PARM1: variants seen among roughly 807,000 people sequenced by gnomAD.
PARM1 encodes the protein WSC4, cell wall integrity and stress response component 4 homolog.
Under a neutral mutation model 24.6 loss-of-function variants are expected in PARM1, and 14 were observed. The ratio of observed to expected loss-of-function variants is 0.57; its 90% CI spans 0.38 to 0.89. The LOEUF (loss-of-function observed/expected upper bound fraction) is 0.89. PARM1 is among the 40% of genes least tolerant of loss of function. The pLI, the probability that PARM1 is intolerant of heterozygous loss-of-function variation, is 0.00. For missense variants in PARM1, 362 were observed against 380.4 expected (o/e 0.95, Z 0.40); for synonymous variants, 179 against 156.6 (o/e 1.14, Z -1.07).
In PARM1 at chr4:75,012,870, C is replaced by G. The variant is rs202104528; in HGVS notation, c.489C>G (p.Thr163=). 1.1e-5 allele frequency: 18 copies of G among 1,613,974 alleles called. No individual in the cohort carries two copies. In the Admixed American group the frequency reaches 2.5e-4, roughly 22 times the overall value. ...CCTCATCACCCTCATCCCTATCAAC[C>G]TCACCACCTGAGGTCTTTTCTGCCT... The part of the protein sequence containing the change: ...APASSPSSLS[T]SPPEVFSASV... The change falls in exon 2 of 4, where the codon ACC becomes ACG. Residue 163 remains threonine, a synonymous_variant. Transcript: ENST00000307428.
intron 1 of PARM1, among the ~76,000 whole-genome samples, chr4:74,981,992 C>T (rs1374958124): frequency 6.6e-6 from 1 of 151,988 alleles, no homozygotes; most frequent in Non-Finnish European, 1.5e-5. Flanking sequence ...GATACCCGCA[C>T]TCATATGTTC....
chr4:75,009,441 A>G (rs1296849043), intron 1 of PARM1, among the ~76,000 whole-genome samples: 1 of 152,182 alleles, frequency 6.6e-6, no homozygotes, highest in East Asian at 1.9e-4. Flanking sequence ...AATATTGATT[A>G]TGGTTGGCCT....
chr4:75,000,762 G>A (rs764761971), intron 1 of PARM1, among the ~76,000 whole-genome samples: 3 of 152,192 alleles, frequency 2.0e-5, no homozygotes, highest in Non-Finnish European at 2.9e-5. Flanking sequence ...CCAAGCAATC[G>A]TATCTGCCTT....
chr4:75,044,748 G>T (rs1336131394), intron 3 of PARM1, among the ~76,000 whole-genome samples: 1 of 134,706 alleles, frequency 7.4e-6, no homozygotes, highest in African/African-American at 2.9e-5. Flanking sequence ...ATTTACAAAA[G>T]AAAGAGGTTT....
intron 1 of PARM1, among the ~76,000 whole-genome samples, chr4:74,946,829 G>A (rs113967406): frequency 5.9e-5 from 9 of 152,214 alleles, no homozygotes; most frequent in East Asian, 1.9e-4. Flanking sequence ...TACAAAATTC[G>A]TTGACCTTCA....
At chr4:74,967,320 T>C (rs908926756) in intron 1 of PARM1, 5 of 152,236 alleles carry the variant, frequency 3.3e-5, no homozygotes, top group African/African-American at 9.6e-5. Flanking sequence ...TATCTCTCCA[T>C]GTAAAGTCAA....
intron 3 of PARM1, among the ~76,000 whole-genome samples, chr4:75,035,480 G>A (rs1723352298): frequency 1.3e-5 from 2 of 152,078 alleles, no homozygotes; most frequent in South Asian, 4.1e-4. Context: ...TCCTCAAGAG[G>A]CTGTGCCACC....
At chr4:75,006,916 C>A (rs1170422639) in intron 1 of PARM1, among the ~76,000 whole-genome samples, 1 of 152,176 alleles carries the variant, frequency 6.6e-6, no homozygotes, top group Non-Finnish European at 1.5e-5. Context: ...ACAAAAGAAA[C>A]TACCATCAGA....
At chr4:74,947,693 T>A (rs1255522778) in intron 1 of PARM1, among the ~76,000 whole-genome samples, 1 of 152,198 alleles carries the variant, frequency 6.6e-6, no homozygotes, top group African/African-American at 2.4e-5. Context: ...CAAAATAATA[T>A]GGGAGTGGGA....
intron 1 of PARM1, among the ~76,000 whole-genome samples, chr4:75,007,136 A>G (rs1385152234): frequency 6.6e-6 from 1 of 152,238 alleles, no homozygotes; most frequent in Non-Finnish European, 1.5e-5. Flanking sequence ...GCTCATCATC[A>G]CTGGCCATGA....
intron 1 of PARM1, among the ~76,000 whole-genome samples, chr4:74,936,587 G>A (rs1385046014): frequency 6.6e-6 from 1 of 151,696 alleles, no homozygotes; most frequent in Non-Finnish European, 1.5e-5. Context: ...CCGAGTAACT[G>A]GGACTACAGG....
chr4:75,029,430 T>G (rs998259166), intron 2 of PARM1, among the ~76,000 whole-genome samples: 1 of 152,134 alleles, frequency 6.6e-6, no homozygotes, highest in African/African-American at 2.4e-5. Flanking sequence ...AATGGAATCA[T>G]GGGGGTGAGT....
chr4:74,983,197 A>G (rs1431931898), intron 1 of PARM1, among the ~76,000 whole-genome samples: 2 of 152,204 alleles, frequency 1.3e-5, no homozygotes, highest in Admixed American at 1.3e-4. Flanking sequence ...GAGTCATTGT[A>G]TATCTCAGTA....
chr4:75,013,014 A>T lies in PARM1; in HGVS notation c.633A>T (p.Thr211=). ...SSDHTPTSHA[T]AEPVPQEKTP... ...ACCACACACCCACTTCACATGCCAC[A>T]GCTGAGCCAGTACCCCAGGAGAAAA... is the stretch of plus-strand genomic sequence containing the variant. Residue 211 remains threonine (T), a synonymous_variant, in exon 2 of 4, where the codon ACA becomes ACT. Coordinates refer to ENST00000307428, the MANE Select transcript of PARM1 (RefSeq NM_015393.4). The T allele has an allele frequency of 3.1e-6, 5 of 1,614,016 alleles. No homozygotes were observed. The highest frequency in any genetic ancestry group is 4.2e-6 in the Non-Finnish European group (5 of 1,179,888).
At position 75,033,864 on chromosome 4, in the gene PARM1, T is replaced by C. The variant is rs1354784117; in HGVS notation, c.770-19T>C. The C allele has an allele frequency of 2.5e-6, 4 of 1,583,434 alleles. No individual in the cohort carries two copies. The highest frequency in any genetic ancestry group is 1.7e-4 in the Middle Eastern group (1 of 5,864). ...GTATCCTCATGTATCTTCTTTTCTG[T>C]GCCCTTCCTCCTTCACAGGCAGCAT... On this transcript the variant is annotated intron_variant, in intron 2 of 3. Coordinates refer to ENST00000307428, the MANE Select transcript of PARM1 (RefSeq NM_015393.4).
At chr4:74,976,643 C>G (rs1164318406) in intron 1 of PARM1, among the ~76,000 whole-genome samples, 1 of 152,232 alleles carries the variant, frequency 6.6e-6, no homozygotes, top group Non-Finnish European at 1.5e-5. Context: ...TGCCTCCTGA[C>G]TGGGTGAGAC....
intron 1 of PARM1, among the ~76,000 whole-genome samples, chr4:74,991,803 G>A (rs1042345365): frequency 6.6e-6 from 1 of 152,148 alleles, no homozygotes; most frequent in Non-Finnish European, 1.5e-5. Flanking sequence ...TGCAAGCTGA[G>A]AGAATCAAAA....
intron 1 of PARM1, among the ~76,000 whole-genome samples, chr4:75,010,120 T>C (rs1722844423): frequency 6.6e-6 from 1 of 152,178 alleles, no homozygotes. Context: ...TATCAGTGTA[T>C]GAACGGATAA....
chr4:75,023,750 A>C (rs1396060911), intron 2 of PARM1, among the ~76,000 whole-genome samples: 5 of 152,232 alleles, frequency 3.3e-5, no homozygotes, highest in Non-Finnish European at 5.9e-5. Flanking sequence ...GAAGATTTCT[A>C]GCTAAGAGAA....
Sources: allele counts gnomAD v4.1 joint callset (sites outside exome capture counted in the v4.1 genomes callset), GRCh38; gene constraint gnomAD v4.1.1; transcripts MANE v1.5; gene names NCBI Gene and HGNC (gene_info 2026-07-23, HGNC 2026-07-21).